MAP2K2: variants seen among roughly 807,000 people sequenced by gnomAD.
MAP2K2 encodes mitogen-activated protein kinase kinase 2.
Under a neutral mutation model 43.7 loss-of-function variants are expected in MAP2K2, and 24 were observed. The ratio of observed to expected loss-of-function variants is 0.55; its 90% CI spans 0.40 to 0.77. The LOEUF is 0.77. Ranked by LOEUF, MAP2K2 falls within the 30% of genes least tolerant of loss-of-function variation. The pLI, the probability that MAP2K2 is intolerant of heterozygous loss-of-function variation, is 0.00. For synonymous variants in MAP2K2, 244 were observed against 239.7 expected, an observed-to-expected ratio of 1.02 and a Z score of -0.17; for missense variants, 470 against 566.8, an observed-to-expected ratio of 0.83 and a Z score of 1.73.
chr19:4,094,633 C>G, intron 9 of MAP2K2, 135 bp from the exon 10 acceptor site: 1 of 822,132 alleles, frequency 1.2e-6, no homozygotes, highest in Non-Finnish European at 2.0e-6. Context: ...GAGAGTGGCA[C>G]AGAGTGGCTG....
chr19:4,114,891 C>T (rs182072449), intron 2 of MAP2K2, among the ~76,000 whole-genome samples: 128 of 151,772 alleles, frequency 8.4e-4, no homozygotes, highest in Admixed American at 1.3e-3. Context: ...GATTGTGCCA[C>T]TGCACTCCAG....
Position 4,101,116 on chromosome 19 carries a change from T to C in MAP2K2, c.608A>G (p.Asn203Ser), listed in dbSNP as rs760997753. ...RDVKPSNILVNSRGEIKLCDF... is the reference protein window; with the variant it reads ...RDVKPSNILVSSRGEIKLCDF... ...ACACAGCTTGATCTCCCCTCTAGAG[T>C]TCACGAGGATGTTGGAGGGCTTCAC... is the stretch of plus-strand genomic sequence containing the variant. The change falls in exon 6 of 11, where the codon AAC (asparagine) becomes AGC (serine). Residue 203 changes from asparagine to serine, a missense_variant. By Grantham distance (46) the Asn-to-Ser change is conservative. Coordinates refer to ENST00000262948, the MANE Select transcript of MAP2K2 (RefSeq NM_030662.4). The surrounding 1 kb of genome is among the most constrained non-coding windows in gnomAD (Gnocchi z 6.3). 6.2e-7 allele frequency: 1 copy of C among 1,607,838 alleles called. No homozygotes were observed. The highest frequency in any genetic ancestry group is 8.5e-7 in the Non-Finnish European group (1 of 1,177,318).
intron 1 of MAP2K2, among the ~76,000 whole-genome samples, chr19:4,122,717 A>G (rs902274090): frequency 6.0e-5 from 9 of 149,380 alleles, no homozygotes; most frequent in Admixed American, 2.0e-4. Flanking sequence ...CTCCAATCTC[A>G]TTACTCAGGG....
At chr19:4,093,657 C>T (rs926484437) in intron 10 of MAP2K2, among the ~76,000 whole-genome samples, 1 of 152,084 alleles carries the variant, frequency 6.6e-6, no homozygotes, top group African/African-American at 2.4e-5. Context: ...TCACTGCACT[C>T]CAGTCTGGGC....
intron 10 of MAP2K2, among the ~76,000 whole-genome samples, chr19:4,093,945 G>C (rs1368986901): frequency 6.6e-6 from 1 of 152,180 alleles, no homozygotes; most frequent in Non-Finnish European, 1.5e-5. Flanking sequence ...TCCTCTGAGG[G>C]TGTAGTCCCC....
At chr19:4,095,642 TAGAGGG>T (rs1407304558) in intron 8 of MAP2K2, among the ~76,000 whole-genome samples, 193 bp from the exon 9 acceptor site, 1 of 152,120 alleles carries the variant, frequency 6.6e-6, no homozygotes, top group Non-Finnish European at 1.5e-5. Flanking sequence ...CACGGCTGCT[TAGAGGG>T]AAAGAGTGGG....
Position 4,115,460 on chromosome 19 carries a change from T to C in MAP2K2, c.303+1959A>G, listed in dbSNP as rs753139102. 2.7e-4 allele frequency among the ~76,000 whole-genome samples: 41 copies of C among 152,230 alleles called. No homozygotes were observed. Among genetic ancestry groups the C allele is most frequent in the Middle Eastern group, 3.2e-3 (1 of 316 alleles). Reference sequence around the variant, plus strand: ...GAGGGTCCCTGGCACACACGAGGACTGGCACTGTCTCAAGGCCCTGCTGTG... The same window carrying C: ...GAGGGTCCCTGGCACACACGAGGACCGGCACTGTCTCAAGGCCCTGCTGTG... On this transcript the variant is annotated intron_variant, in intron 2 of 10. Coordinates refer to ENST00000262948, the MANE Select transcript of MAP2K2 (RefSeq NM_030662.4). The surrounding 1 kb of genome is among the most constrained non-coding windows in gnomAD (Gnocchi z 4.1).
Position 4,123,313 on chromosome 19 carries a change from T to C in MAP2K2, c.92+471A>G, listed in dbSNP as rs1223742160. 5.3e-5 allele frequency among the ~76,000 whole-genome samples: 8 copies of C among 150,200 alleles called. No individual in the cohort carries two copies. The East Asian group carries it at 1.4e-3, about 26-fold the overall frequency. ...CACTTTTCAGAAGCCCCACACCCCA[T>C]CTTCTGCACTGCAGGGACCTCCCCT... is the stretch of plus-strand genomic sequence containing the variant. On this transcript the variant is annotated intron_variant, in intron 1 of 10. Coordinates refer to ENST00000262948, the MANE Select transcript of MAP2K2 (RefSeq NM_030662.4).
At chr19:4,095,776 T>C (rs2040909919) in intron 8 of MAP2K2, among the ~76,000 whole-genome samples, 2 of 152,262 alleles carry the variant, frequency 1.3e-5, no homozygotes, top group South Asian at 4.1e-4. Context: ...GACATCTGGA[T>C]CCAAAGTTAT....
chr19:4,115,857 C>G lies in MAP2K2; in HGVS notation c.303+1562G>C, dbSNP rs554806069. The stretch of plus-strand genomic sequence containing the variant: ...GGTCTGAAAGAACACCGGTGAGGAG[C>G]TGAACACCCTGTCAACACTAAGTCC... On this transcript the variant is annotated intron_variant, in intron 2 of 10. Coordinates refer to ENST00000262948, the MANE Select transcript of MAP2K2 (RefSeq NM_030662.4). This position sits in a 1 kb window ranked among gnomAD's most constrained non-coding sequence, Gnocchi z 4.1. Among the ~76,000 whole-genome samples the G allele has an allele frequency of 6.6e-6, 1 of 152,300 alleles. No individual in the cohort carries two copies. The highest frequency in any genetic ancestry group is 2.1e-4 in the South Asian group (1 of 4,822).
intron 1 of MAP2K2, among the ~76,000 whole-genome samples, chr19:4,121,999 C>G (rs551948527): frequency 7.1e-6 from 1 of 141,442 alleles, no homozygotes; most frequent in East Asian, 2.2e-4. Flanking sequence ...CCCTAAGGGA[C>G]CCCCCTGCCC....
Position 4,124,087 on chromosome 19 carries a change from C to A in MAP2K2, c.-212G>T, listed in dbSNP as rs1481675427. 1.4e-5 allele frequency: 3 copies of A among 214,434 alleles called. No individual in the cohort carries two copies. Among genetic ancestry groups the A allele is most frequent in the East Asian group, 1.3e-4 (2 of 14,964 alleles). The allele number at this position is 214,434 out of a possible 1,614,324, so 13.3% of individuals were successfully genotyped here. The stretch of plus-strand genomic sequence containing the variant: ...AGCGAGCCGCTACCGCTGCCGAGGC[C>A]CGAAGAAGGCTGACGCCGCAGCCCG... On this transcript the variant is annotated 5_prime_UTR_variant, in exon 1 of 11. Coordinates refer to ENST00000262948, the MANE Select transcript of MAP2K2 (RefSeq NM_030662.4).
chr19:4,117,777 T>C (rs2041243713), intron 1 of MAP2K2, 148 bp from the exon 2 acceptor site: 2 of 767,722 alleles, frequency 2.6e-6, no homozygotes, highest in East Asian at 2.6e-5. Context: ...AAAGGATCCA[T>C]GCTGTGTACC....
intron 1 of MAP2K2, 81 bp downstream of exon 1, chr19:4,123,703 C>A (rs940890467): frequency 2.6e-6 from 3 of 1,139,302 alleles, no homozygotes; most frequent in African/African-American, 3.3e-5. Context: ...CCTCGCGAAC[C>A]CCCGTCCCCT....
At chr19:4,100,912 TG>T in intron 6 of MAP2K2, 106 bp downstream of exon 6, 1 of 1,202,020 alleles carries the variant, frequency 8.3e-7, no homozygotes, top group Non-Finnish European at 1.1e-6. Flanking sequence ...GCAGGAGACA[TG>T]GGGGTGAGAG....
rs780396876 is a variant in MAP2K2 at position 4,102,460 on chromosome 19, G to A, written c.451-7C>T. 147 of 1,591,758 alleles carry A rather than the reference G, an allele frequency of 9.2e-5. No individual in the cohort carries two copies. The highest frequency in any genetic ancestry group is 1.2e-4 in the Non-Finnish European group (138 of 1,169,122). ...GGTCCAGGGAGCCGCCGTCCTAGAG[G>A]GCACACAAGGAGTGAGTGCAGGCTC... On this transcript the variant is annotated splice_region_variant and splice_polypyrimidine_tract_variant and intron_variant, in intron 3 of 10. Coordinates refer to ENST00000262948, the MANE Select transcript of MAP2K2 (RefSeq NM_030662.4).
intron 3 of MAP2K2, among the ~76,000 whole-genome samples, chr19:4,109,425 T>C (rs1470217126): frequency 3.3e-5 from 5 of 152,160 alleles, no homozygotes; most frequent in African/African-American, 1.2e-4. Context: ...GAGAAGGCCA[T>C]TTAAAAACAG....
Position 4,115,410 on chromosome 19 carries a change from C to T in MAP2K2, c.303+2009G>A, listed in dbSNP as rs1046787516. Among the ~76,000 whole-genome samples, 1 of 152,192 alleles carries T rather than the reference C, an allele frequency of 6.6e-6. No homozygotes were observed. Among genetic ancestry groups the T allele is most frequent in the Admixed American group, 6.5e-5 (1 of 15,274 alleles). On this transcript the variant is annotated intron_variant, in intron 2 of 10. Coordinates refer to ENST00000262948, the MANE Select transcript of MAP2K2 (RefSeq NM_030662.4). This position sits in a 1 kb window ranked among gnomAD's most constrained non-coding sequence, Gnocchi z 4.1. ...TGTCCACTGCCCAGCCCATCAGGGA[C>T]CACTGGAGGCTCCCCCAGAAGCCTG...
intron 2 of MAP2K2, among the ~76,000 whole-genome samples, chr19:4,112,670 CCG>C (rs2041168985): frequency 2.0e-5 from 3 of 151,698 alleles, no homozygotes; most frequent in African/African-American, 7.3e-5. Flanking sequence ...CCCTGCCTGC[CCG>C]CCCCTGCCTG....
Sources: gnomAD v4.1 joint callset for allele counts (sites outside exome capture counted in the v4.1 genomes callset) on GRCh38, gnomAD v4.1.1 for gene constraint, Gnocchi (gnomAD v3.1) non-coding constraint, MANE v1.5 for transcripts, NCBI Gene and HGNC (gene_info 2026-07-23, HGNC 2026-07-21) for gene names.